Variants in ASPH observed in about 807,000 individuals in gnomAD.
ASPH encodes aspartyl/asparaginyl beta-hydroxylase.
A neutral mutation model predicts 118.4 loss-of-function variants in ASPH; 100 were observed. The observed-to-expected ratio is 0.84, with a 90% confidence interval of 0.72 to 1.00. The LOEUF is 1.00. Among genes scored for constraint, ASPH ranks in the 50% least tolerant of loss-of-function variants. The probability of loss-of-function intolerance (pLI) is 0.00; values close to 1 mark genes in which losing one functional copy is unlikely to be tolerated. For synonymous variants in ASPH, 315 were observed against 325.6 expected (o/e 0.97, Z 0.35); for missense variants, 920 against 919.5 (o/e 1.00, Z -0.01).
Position 61,583,955 on chromosome 8 carries a change from G to A in ASPH, c.1051C>T (p.Leu351Phe), listed in dbSNP as rs754168774. 1 of 1,582,230 alleles carries A rather than the reference G, an allele frequency of 6.3e-7. No individual in the cohort carries two copies. The highest frequency in any genetic ancestry group is 8.6e-7 in the Non-Finnish European group (1 of 1,162,336). Residue 351 changes from leucine to phenylalanine, a missense_variant, in exon 15 of 25, where the codon CTC (leucine) becomes TTC (phenylalanine). Coordinates refer to ENST00000379454, the MANE Select transcript of ASPH (RefSeq NM_004318.4). The part of the protein sequence containing the change: ...IKAELDAAEK[L>F]RKRGKIEEAV... The stretch of plus-strand genomic sequence containing the variant: ...AAATATCAACCTACCCTTTTACGGA[G>A]TTTTTCTGCAGCATCAAGTTCAGCT...
rs369589442 is a variant in ASPH at position 61,681,056 on chromosome 8, A to G, written c.254-20T>C. ...GTTTTCCTATAATAGGGCAGAAATG[A>G]TGGATATGGGAATAAAAAAGAAAAG... On this transcript the variant is annotated intron_variant, in intron 2 of 24. Coordinates refer to ENST00000379454, the MANE Select transcript of ASPH (RefSeq NM_004318.4). 3.2e-6 allele frequency: 5 copies of G among 1,559,658 alleles called. No individual in the cohort carries two copies. The highest frequency in any genetic ancestry group is 4.3e-6 in the Non-Finnish European group (5 of 1,150,120).
intron 20 of ASPH, among the ~76,000 whole-genome samples, 168 bp from the exon 21 acceptor site, chr8:61,548,376 C>T (rs1372437247): frequency 2.0e-5 from 3 of 152,166 alleles, no homozygotes; most frequent in African/African-American, 7.2e-5. Context: ...ATTGTTATTT[C>T]ACTGGGTTTC....
chr8:61,516,304 C>G (rs757219799), intron 24 of ASPH, among the ~76,000 whole-genome samples: 1 of 152,132 alleles, frequency 6.6e-6, no homozygotes, highest in Non-Finnish European at 1.5e-5. Context: ...TGTAGAGAGG[C>G]CATCTGTAGT....
intron 15 of ASPH, chr8:61,579,287 G>A: frequency 6.2e-7 from 1 of 1,614,190 alleles, no homozygotes. Context: ...TGTCCGAGCT[G>A]GAGGCTGCCC....
At position 61,638,029 on chromosome 8, in the gene ASPH, C is replaced by A. The variant is rs781191367; in HGVS notation, c.833-26G>T. On this transcript the variant is annotated intron_variant, in intron 11 of 24. Coordinates refer to ENST00000379454, the MANE Select transcript of ASPH (RefSeq NM_004318.4). The stretch of plus-strand genomic sequence containing the variant: ...CTAAAATAAAGAATAAAATCAGAAT[C>A]CATTACATGTTGCTGACCAGTGACA... The A allele has an allele frequency of 5.0e-6, 8 of 1,592,188 alleles. No individual in the cohort carries two copies. In the East Asian group the frequency reaches 1.8e-4, roughly 36 times the overall value.
intron 1 of ASPH, among the ~76,000 whole-genome samples, chr8:61,692,081 T>G (rs1832784822): frequency 6.6e-6 from 1 of 152,244 alleles, no homozygotes; most frequent in South Asian, 2.1e-4. Context: ...TGACAAATCT[T>G]TATCAAGCAC....
At chr8:61,598,190 A>C (rs1371745863) in intron 14 of ASPH, among the ~76,000 whole-genome samples, 3 of 152,236 alleles carry the variant, frequency 2.0e-5, no homozygotes, top group Admixed American at 6.5e-5. Flanking sequence ...AATCTGGATA[A>C]ACTGATAAAA....
chr8:61,621,201 T>G (rs768248293), intron 13 of ASPH, among the ~76,000 whole-genome samples: 29 of 152,216 alleles, frequency 1.9e-4, no homozygotes, highest in Non-Finnish European at 3.4e-4. Flanking sequence ...CTTCTGTCCT[T>G]CACCTCACAT....
At chr8:61,596,490 T>C (rs1275079498) in intron 14 of ASPH, among the ~76,000 whole-genome samples, 1 of 152,202 alleles carries the variant, frequency 6.6e-6, no homozygotes, top group Non-Finnish European at 1.5e-5. Flanking sequence ...CTACCATCAG[T>C]GCCCATGTAC....
At position 61,509,493 on chromosome 8, in the gene ASPH, A is replaced by G. The variant is rs376747720; in HGVS notation, c.2127-5984T>C. Among the ~76,000 whole-genome samples the G allele has an allele frequency of 1.9e-3, 284 of 152,302 alleles. 1 individual carries two copies. The highest frequency in any genetic ancestry group is 6.4e-3 in the African/African-American group (268 of 41,576). On this transcript the variant is annotated intron_variant, in intron 24 of 24. Transcript: ENST00000379454. The stretch of plus-strand genomic sequence containing the variant: ...GTGAGGACGACCAGAGGTCACTCTC[A>G]TGGTCATCTTGGTTTTGGTGGGTTT...
intron 14 of ASPH, among the ~76,000 whole-genome samples, chr8:61,589,710 T>C (rs1457745198): frequency 2.6e-5 from 4 of 152,196 alleles, no homozygotes. Context: ...GCCCATCTTG[T>C]TCACCGGCTT....
chr8:61,546,322 C>T (rs904264408), intron 21 of ASPH, among the ~76,000 whole-genome samples: 9 of 152,148 alleles, frequency 5.9e-5, no homozygotes, highest in Non-Finnish European at 1.3e-4. Flanking sequence ...ATTGCATTTC[C>T]GTGTTTTGAA....
At chr8:61,513,151 C>T (rs1015217364) in intron 24 of ASPH, among the ~76,000 whole-genome samples, 1 of 152,166 alleles carries the variant, frequency 6.6e-6, no homozygotes, top group African/African-American at 2.4e-5. Context: ...CAGATAACCT[C>T]CTCTTTTAGA....
In ASPH at chr8:61,714,454, G is replaced by T. The variant is rs1256067929; in HGVS notation, c.-83C>A. The T allele has an allele frequency of 1.5e-6, 2 of 1,362,776 alleles. No individual in the cohort carries two copies. The highest frequency in any genetic ancestry group is 3.1e-5 in the African/African-American group (2 of 65,140). The allele number at this position is 1,362,776 out of a possible 1,614,324, so 84.4% of individuals were successfully genotyped here. ...CACACGCGACGCGGGAACCGCTGGC[G>T]GCGGCGGGCCGCTGGAGCGGGTTCG... On this transcript the variant is annotated 5_prime_UTR_variant, in exon 1 of 25. Transcript: ENST00000379454.
Position 61,646,882 on chromosome 8 carries a change from T to A in ASPH, c.491-4A>T. 6.2e-7 allele frequency: 1 copy of A among 1,613,850 alleles called. No individual in the cohort carries two copies. Among genetic ancestry groups the A allele is most frequent in the Non-Finnish European group, 8.5e-7 (1 of 1,179,828 alleles). ...TGTTGCAAGTCTTCTCCCTCAACTA[T>A]GACAATGAACAAAGTGACACTGGCA... On this transcript the variant is annotated splice_polypyrimidine_tract_variant and splice_region_variant and intron_variant, in intron 5 of 24. Coordinates refer to ENST00000379454, the MANE Select transcript of ASPH (RefSeq NM_004318.4).
intron 2 of ASPH, among the ~76,000 whole-genome samples, chr8:61,683,103 T>C (rs1050892868): frequency 6.6e-6 from 1 of 152,138 alleles, no homozygotes; most frequent in African/African-American, 2.4e-5. Context: ...ATATAATGTA[T>C]GGTTCCATTA....
chr8:61,693,363 T>A (rs1157431689), intron 1 of ASPH, among the ~76,000 whole-genome samples: 1 of 152,216 alleles, frequency 6.6e-6, no homozygotes, highest in Non-Finnish European at 1.5e-5. Flanking sequence ...GTAACCCTGC[T>A]AAGAAGGCTC....
At chr8:61,578,326 C>T (rs1203300162) in intron 15 of ASPH, 44 of 1,604,004 alleles carry the variant, frequency 2.7e-5, no homozygotes, top group Admixed American at 6.7e-5. Context: ...ATCAGCTCCT[C>T]GAGCTTCTCC....
intron 24 of ASPH, among the ~76,000 whole-genome samples, chr8:61,510,932 A>G (rs1432384651): frequency 2.0e-5 from 3 of 152,164 alleles, no homozygotes; most frequent in Non-Finnish European, 4.4e-5. Flanking sequence ...GGAGAATAGT[A>G]AAAAAAGGAG....
Sources: allele counts gnomAD v4.1 joint callset (sites outside exome capture counted in the v4.1 genomes callset), GRCh38; gene constraint gnomAD v4.1.1; transcripts MANE v1.5; gene names NCBI Gene and HGNC (gene_info 2026-07-23, HGNC 2026-07-21).